USP43: variants seen among roughly 807,000 people sequenced by gnomAD.
USP43 encodes the protein ubiquitin carboxyl-terminal hydrolase 43.
Under a neutral mutation model 90.7 loss-of-function variants are expected in USP43, and 33 were observed. That is an observed-to-expected ratio of 0.36 (90% CI 0.28 to 0.49). The LOEUF (loss-of-function observed/expected upper bound fraction) is 0.49, where lower values mean the gene tolerates loss of function less well. Among genes scored for constraint, USP43 ranks in the 20% least tolerant of loss-of-function variants. USP43 has a pLI of 0.98. For synonymous variants in USP43, 598 were observed against 615.8 expected, an observed-to-expected ratio of 0.97 and a Z score of 0.43; for missense variants, 1,274 against 1,476.4, an observed-to-expected ratio of 0.86 and a Z score of 2.25.
intron 14 of USP43, among the ~76,000 whole-genome samples, chr17:9,720,974 A>G (rs1426471210): frequency 6.6e-6 from 1 of 152,232 alleles, no homozygotes; most frequent in African/African-American, 2.4e-5. Context: ...CCTTTCCGGT[A>G]GCCCTGGTTA....
rs1477800918 is a variant in USP43 at position 9,728,109 on chromosome 17, G to C, written c.2491G>C (p.Glu831Gln). 1.2e-6 allele frequency: 2 copies of C among 1,613,910 alleles called. No individual in the cohort carries two copies. The highest frequency in any genetic ancestry group is 2.2e-5 in the South Asian group (2 of 91,062). Residue 831 changes from glutamate to glutamine, a missense_variant, in exon 15 of 15, where the codon GAG becomes CAG. Coordinates refer to ENST00000285199, the MANE Select transcript of USP43 (RefSeq NM_153210.5). The surrounding 1 kb of genome is among the most constrained non-coding windows in gnomAD (Gnocchi z 6.2). ...GGAGAAACCACCAGGTGCCTCCGTC[G>C]AGTTGGTGGAGTACTTGGAATCCAG... is the stretch of plus-strand genomic sequence containing the variant. Reference protein sequence around the residue: ...SKEKPPGASVELVEYLESRRR... With the variant: ...SKEKPPGASVQLVEYLESRRR...
At chr17:9,721,720 A>ATTTTT (rs11340592) in intron 14 of USP43, among the ~76,000 whole-genome samples, 45 of 119,060 alleles carry the variant, frequency 3.8e-4, no homozygotes, top group Middle Eastern at 4.8e-3. Context: ...GTATAGCTGT[A>ATTTTT]TTTTTTTTTT....
chr17:9,653,071 G>A (rs73255730), intron 1 of USP43, among the ~76,000 whole-genome samples: 11,131 of 152,166 alleles, frequency 0.073, 1,203 homozygotes, highest in African/African-American at 0.24. Flanking sequence ...GACATCTCTG[G>A]TTGTATCTCT....
At chr17:9,705,068 A>C (rs778348581) in intron 12 of USP43, among the ~76,000 whole-genome samples, 3 of 152,214 alleles carry the variant, frequency 2.0e-5, no homozygotes, top group Non-Finnish European at 1.5e-5. Context: ...AAAGATGGAC[A>C]GTGACAAGTC....
rs926543158 is a variant in USP43 at position 9,701,002 on chromosome 17, G to A, written c.1536-117G>A. 181 of 1,307,000 alleles carry A rather than the reference G, an allele frequency of 1.4e-4. No individual in the cohort carries two copies. Among genetic ancestry groups the A allele is most frequent in the Non-Finnish European group, 1.7e-4 (172 of 1,005,432 alleles). The allele number at this position is 1,307,000 out of a possible 1,614,324, so 81.0% of individuals were successfully genotyped here. On this transcript the variant is annotated intron_variant, in intron 10 of 14. Transcript: ENST00000285199. This position sits in a 1 kb window ranked among gnomAD's most constrained non-coding sequence, Gnocchi z 7.2. ...AGCTCTCCAGGAACCCATAGGCAGGGCACGGTAGTGTGGCCTGGCCAATGT... is the reference window on the plus strand; with the variant it reads ...AGCTCTCCAGGAACCCATAGGCAGGACACGGTAGTGTGGCCTGGCCAATGT...
chr17:9,715,930 T>C (rs1325782287), intron 14 of USP43, among the ~76,000 whole-genome samples: 1 of 151,618 alleles, frequency 6.6e-6, no homozygotes, highest in African/African-American at 2.4e-5. Context: ...TGTGTCTGTG[T>C]GTGTGTTTCT....
chr17:9,720,321 C>CAAAAAAAAAAAAAAAA (rs980644442), intron 14 of USP43, among the ~76,000 whole-genome samples: 1 of 43,738 alleles, frequency 2.3e-5, no homozygotes, highest in African/African-American at 7.2e-5. Flanking sequence ...GACTCCATCT[C>CAAAAAAAAAAAAAAAA]AAAAAAAAAA....
chr17:9,691,280 A>T (rs1035581139), intron 8 of USP43, among the ~76,000 whole-genome samples: 2 of 149,684 alleles, frequency 1.3e-5, no homozygotes, highest in Non-Finnish European at 3.0e-5. Context: ...ACACCTGGCT[A>T]TTTTTTTTTG....
chr17:9,683,083 G>C, intron 7 of USP43, 125 bp downstream of exon 7: 2 of 1,274,364 alleles, frequency 1.6e-6, no homozygotes, highest in Non-Finnish European at 2.1e-6. Context: ...CAGAAGTAGG[G>C]TCCTTTCTGA....
intron 9 of USP43, among the ~76,000 whole-genome samples, chr17:9,693,634 G>A (rs901921551): frequency 6.6e-5 from 10 of 152,060 alleles, no homozygotes; most frequent in African/African-American, 2.4e-4. Context: ...TCAGGATTTT[G>A]AGACCAGTCT....
intron 14 of USP43, among the ~76,000 whole-genome samples, chr17:9,724,318 C>T (rs1424118093): frequency 1.3e-5 from 2 of 152,144 alleles, no homozygotes; most frequent in African/African-American, 4.8e-5. Context: ...AGGCTTGTCC[C>T]AGGTTGCACT....
At chr17:9,661,641 A>G (rs971075654) in intron 2 of USP43, among the ~76,000 whole-genome samples, 2 of 152,130 alleles carry the variant, frequency 1.3e-5, no homozygotes, top group South Asian at 2.1e-4. Context: ...TACAGGTGTG[A>G]GCCACCGTGC....
intron 8 of USP43, among the ~76,000 whole-genome samples, chr17:9,687,380 A>G (rs1050196746): frequency 2.0e-5 from 3 of 152,202 alleles, no homozygotes; most frequent in African/African-American, 7.2e-5. Flanking sequence ...TTCTGGGAAA[A>G]TTAAAATGGA....
At chr17:9,724,408 G>A (rs921330604) in intron 14 of USP43, among the ~76,000 whole-genome samples, 8 of 152,176 alleles carry the variant, frequency 5.3e-5, no homozygotes, top group African/African-American at 1.9e-4. Flanking sequence ...GGCCCAGCAT[G>A]GTGGCTCACG....
At chr17:9,718,765 G>A (rs989111653) in intron 14 of USP43, among the ~76,000 whole-genome samples, 7 of 149,532 alleles carry the variant, frequency 4.7e-5, no homozygotes, top group Middle Eastern at 3.6e-3. Flanking sequence ...GCTTGAACCC[G>A]GGAGACGGAG....
In USP43 at chr17:9,674,447, G is replaced by A. The variant is rs1315883855; in HGVS notation, c.741-444G>A. On this transcript the variant is annotated intron_variant, in intron 3 of 14. Transcript: ENST00000285199. The surrounding 1 kb of genome is among the most constrained non-coding windows in gnomAD (Gnocchi z 4.4). Reference sequence around the variant, plus strand: ...CTCATCCTCCCTTCCCTCAGCTCCTGGCAACCACCAATTTGCTTTCTGTGT... The same window carrying A: ...CTCATCCTCCCTTCCCTCAGCTCCTAGCAACCACCAATTTGCTTTCTGTGT... Among the ~76,000 whole-genome samples the A allele has an allele frequency of 6.6e-6, 1 of 152,072 alleles. No individual in the cohort carries two copies. The highest frequency in any genetic ancestry group is 1.5e-5 in the Non-Finnish European group (1 of 68,030).
Position 9,679,660 on chromosome 17 carries a change from G to C in USP43, c.970-571G>C, listed in dbSNP as rs781141958. Among the ~76,000 whole-genome samples the C allele has an allele frequency of 9.9e-5, 15 of 151,830 alleles. 1 individual carries two copies. Among genetic ancestry groups the C allele is most frequent in the Admixed American group, 3.3e-4 (5 of 15,230 alleles). On this transcript the variant is annotated intron_variant, in intron 5 of 14. Transcript: ENST00000285199. The stretch of plus-strand genomic sequence containing the variant: ...CCTGCCTCAGCCTCCGTAGTAGCTG[G>C]GACTACAGGCACCCAAAATGCATCT...
In USP43 at chr17:9,656,437, G is replaced by A. The variant is rs1808074772; in HGVS notation, c.539G>A (p.Gly180Asp). The A allele has an allele frequency of 6.2e-7, 1 of 1,610,820 alleles. No individual in the cohort carries two copies. Among genetic ancestry groups the A allele is most frequent in the Non-Finnish European group, 8.5e-7 (1 of 1,178,648 alleles). Residue 180 changes from glycine to aspartate, a missense_variant, in exon 2 of 15, where the codon GGC becomes GAC. Transcript: ENST00000285199. ...AVSKYGSQFQ[G>D]NSQHDALEFL... ...TCCAAGTACGGCTCTCAGTTCCAAG[G>A]CAATTCCCAGCACGACGCCCTGGAA... is the stretch of plus-strand genomic sequence containing the variant.
intron 9 of USP43, 86 bp from the exon 10 acceptor site, chr17:9,700,086 G>T: frequency 1.6e-6 from 2 of 1,276,514 alleles, no homozygotes; most frequent in Non-Finnish European, 2.2e-6. Context: ...ATCAGTCCTT[G>T]GGTTGTGGGG....
Sources: gnomAD v4.1 joint callset for allele counts (sites outside exome capture counted in the v4.1 genomes callset) on GRCh38, gnomAD v4.1.1 for gene constraint, Gnocchi (gnomAD v3.1) non-coding constraint, MANE v1.5 for transcripts, NCBI Gene and HGNC (gene_info 2026-07-23, HGNC 2026-07-21) for gene names.